The following NECAB1 variants were observed in gnomAD, a reference collection of about 807,000 sequenced individuals.
The protein encoded by NECAB1 is N-terminal EF-hand calcium binding protein 1, also known as N-terminal EF-hand calcium-binding protein 1.
NECAB1 carries 29 observed loss-of-function variants against 57.5 expected under a neutral mutation model. The observed-to-expected ratio is 0.50, with a 90% confidence interval of 0.38 to 0.69. NECAB1 has a LOEUF of 0.69. Ranked by LOEUF, NECAB1 falls within the 30% of genes least tolerant of loss-of-function variation. The probability of loss-of-function intolerance (pLI) is 0.00; values close to 1 mark genes in which losing one functional copy is unlikely to be tolerated. For synonymous variants in NECAB1, 142 were observed against 147.7 expected (o/e 0.96, Z 0.28); for missense variants, 372 against 413.8 (o/e 0.90, Z 0.88).
intron 5 of NECAB1, among the ~76,000 whole-genome samples, chr8:90,900,441 C>A (rs1185880235): frequency 1.3e-5 from 2 of 152,118 alleles, no homozygotes; most frequent in Non-Finnish European, 2.9e-5. Context: ...AAACTGAGCC[C>A]CATGTTCTCA....
chr8:90,954,856 T>C lies in NECAB1; in HGVS notation c.1031-631T>C, dbSNP rs1014007108. On this transcript the variant is annotated intron_variant, in intron 12 of 12. Transcript: ENST00000417640. ...CATAAGCTGCATATATTTATAAATA[T>C]ATGTATACATATGCATATATGTATA... is the stretch of plus-strand genomic sequence containing the variant. Among the ~76,000 whole-genome samples, 58 of 148,266 alleles carry C rather than the reference T, an allele frequency of 3.9e-4. 1 individual carries two copies. Among genetic ancestry groups the C allele is most frequent in the Non-Finnish European group, 1.5e-5 (1 of 67,190 alleles).
At chr8:90,931,958 C>T (rs1044136079) in intron 8 of NECAB1, among the ~76,000 whole-genome samples, 3 of 151,814 alleles carry the variant, frequency 2.0e-5, no homozygotes, top group South Asian at 2.1e-4. Flanking sequence ...AAAAACCCCA[C>T]CTTTAATGTT....
intron 3 of NECAB1, among the ~76,000 whole-genome samples, chr8:90,831,631 C>A (rs1812300038): frequency 6.6e-6 from 1 of 152,122 alleles, no homozygotes; most frequent in African/African-American, 2.4e-5. Flanking sequence ...CACCCTCGCC[C>A]TTCCTGACCA....
chr8:90,946,963 G>A (rs1810816871), intron 10 of NECAB1, among the ~76,000 whole-genome samples: 1 of 152,158 alleles, frequency 6.6e-6, no homozygotes, highest in Non-Finnish European at 1.5e-5. Context: ...ACTATTTGGG[G>A]AGGCAATGGA....
At chr8:90,927,204 C>CTTTTT (rs545020130) in intron 7 of NECAB1, among the ~76,000 whole-genome samples, 2 of 131,130 alleles carry the variant, frequency 1.5e-5, no homozygotes, top group African/African-American at 6.0e-5. Context: ...TTTTCTCTCT[C>CTTTTT]TTTTTTTTTT....
chr8:90,804,016 C>G (rs1203796363), intron 2 of NECAB1, among the ~76,000 whole-genome samples: 2 of 152,152 alleles, frequency 1.3e-5, no homozygotes, highest in Non-Finnish European at 2.9e-5. Context: ...GATTATTGTC[C>G]TTAAGGTGGA....
chr8:90,804,938 A>G (rs931956936), intron 2 of NECAB1, among the ~76,000 whole-genome samples: 8 of 152,236 alleles, frequency 5.3e-5, no homozygotes, highest in Non-Finnish European at 1.0e-4. Context: ...CCTGGAATGT[A>G]GTAACAACTA....
chr8:90,869,585 C>T (rs1808584905), intron 3 of NECAB1, among the ~76,000 whole-genome samples: 1 of 152,166 alleles, frequency 6.6e-6, no homozygotes, highest in South Asian at 2.1e-4. Context: ...TAATAACTGC[C>T]CTGCTGAAGT....
chr8:90,823,851 A>G lies in NECAB1; in HGVS notation c.125-866A>G, dbSNP rs577586297. ...AAAAACTAGCTCCCTGCACAGAGAG[A>G]AAGATGCTTCCCTCTCTTTTCTCAT... On this transcript the variant is annotated intron_variant, in intron 2 of 12. Transcript: ENST00000417640. Among the ~76,000 whole-genome samples, 4 of 151,956 alleles carry G rather than the reference A, an allele frequency of 2.6e-5. No individual in the cohort carries two copies. The East Asian group carries it at 7.8e-4, about 29-fold the overall frequency.
At chr8:90,873,321 A>G (rs1209555577) in intron 4 of NECAB1, among the ~76,000 whole-genome samples, 1 of 152,238 alleles carries the variant, frequency 6.6e-6, no homozygotes, top group Admixed American at 6.5e-5. Context: ...AAATACCAAC[A>G]GGGAAAATCA....
intron 10 of NECAB1, among the ~76,000 whole-genome samples, chr8:90,946,743 C>G (rs1055650582): frequency 1.3e-5 from 2 of 152,140 alleles, no homozygotes; most frequent in Non-Finnish European, 2.9e-5. Flanking sequence ...AATGTTTTCC[C>G]AGAGTCCCTG....
chr8:90,919,378 T>C (rs1477412017), intron 6 of NECAB1, among the ~76,000 whole-genome samples: 1 of 152,136 alleles, frequency 6.6e-6, no homozygotes, highest in African/African-American at 2.4e-5. Flanking sequence ...GCAGGACCAA[T>C]TTTCCTGAAC....
chr8:90,952,707 G>A (rs1165713859), intron 12 of NECAB1, among the ~76,000 whole-genome samples: 1 of 152,056 alleles, frequency 6.6e-6, no homozygotes, highest in East Asian at 1.9e-4. Flanking sequence ...AACCCAGGAG[G>A]CGGAGGGTTG....
At chr8:90,860,635 A>G (rs1042396131) in intron 3 of NECAB1, among the ~76,000 whole-genome samples, 3 of 152,198 alleles carry the variant, frequency 2.0e-5, no homozygotes, top group African/African-American at 7.2e-5. Context: ...ATGAATAAAA[A>G]GATTATTCAT....
intron 4 of NECAB1, among the ~76,000 whole-genome samples, chr8:90,879,531 A>C (rs139620764): frequency 3.2e-4 from 49 of 152,282 alleles, no homozygotes; most frequent in African/African-American, 1.1e-3. Context: ...ACAAGTTTTA[A>C]AATAAAAATG....
chr8:90,795,718 A>T (rs994198606), intron 1 of NECAB1, among the ~76,000 whole-genome samples: 12 of 151,668 alleles, frequency 7.9e-5, no homozygotes, highest in African/African-American at 1.7e-4. Context: ...TCACACACAC[A>T]CACACACACA....
rs1563537029 is a variant in NECAB1 at position 90,925,616 on chromosome 8, C to T, written c.576C>T (p.Ser192=). The T allele has an allele frequency of 6.2e-7, 1 of 1,613,838 alleles. No individual in the cohort carries two copies. Among genetic ancestry groups the T allele is most frequent in the Non-Finnish European group, 8.5e-7 (1 of 1,179,826 alleles). Residue 192 remains serine (S), a synonymous_variant, in exon 7 of 13, where the codon AGC becomes AGT. Transcript: ENST00000417640. ...RSSRRVQRHN[S]FSPNSPQFNV... is the part of the protein sequence containing the mutation. ...GCCGCCGAGTCCAGAGACACAACAGCTTCTCCCCAAACAGCCCTCAGTTTA... is the reference window on the plus strand; with the variant it reads ...GCCGCCGAGTCCAGAGACACAACAGTTTCTCCCCAAACAGCCCTCAGTTTA...
At chr8:90,835,006 AG>A in intron 3 of NECAB1, among the ~76,000 whole-genome samples, 2 of 146,854 alleles carry the variant, frequency 1.4e-5, no homozygotes, top group Non-Finnish European at 1.5e-5. Flanking sequence ...TTTTTAAAAA[AG>A]AGCCCGCATC....
intron 2 of NECAB1, chr8:90,812,714 A>C (rs909066299): frequency 2.0e-5 from 3 of 152,160 alleles, no homozygotes; most frequent in Admixed American, 6.5e-5. Context: ...ACCCGCTTCC[A>C]GGAATGGGTC....
Sources: allele counts gnomAD v4.1 joint callset (sites outside exome capture counted in the v4.1 genomes callset), GRCh38; gene constraint gnomAD v4.1.1; transcripts MANE v1.5; gene names NCBI Gene and HGNC (gene_info 2026-07-23, HGNC 2026-07-21).